Variants in SKP1 observed in about 807,000 individuals in gnomAD.
SKP1 encodes the protein S-phase kinase-associated protein 1.
A neutral mutation model predicts 21.5 loss-of-function variants in SKP1; 1 was observed. The observed-to-expected ratio is 0.05, with a 90% CI of 0.02 to 0.22. The LOEUF is 0.22. SKP1 is among the 10% of genes least tolerant of loss of function. The pLI, the probability that SKP1 is intolerant of heterozygous loss-of-function variation, is 1.00. For missense variants in SKP1, 70 were observed against 192.0 expected (o/e 0.36, Z 3.76); for synonymous variants, 59 against 59.3 (o/e 0.99, Z 0.03).
intron 2 of SKP1, chr5:134,173,713 T>A: frequency 1.5e-6 from 1 of 646,950 alleles, no homozygotes; most frequent in Non-Finnish European, 2.9e-6. Context: ...TATGATTTTA[T>A]CCATTTAATG....
At chr5:134,162,810 T>C (rs568153539) in intron 3 of SKP1, among the ~76,000 whole-genome samples, 2 of 152,284 alleles carry the variant, frequency 1.3e-5, no homozygotes, top group African/African-American at 4.8e-5. Context: ...GCACAGTGGT[T>C]CATACTTGTA....
At position 134,150,188 on chromosome 5, in the gene SKP1, C is replaced by T. The variant is rs1761023987; in HGVS notation, c.*7545G>A. ...AGCAAGCAGACAAAGCCTATGTCTC[C>T]CAACGTGAAGGTGTCTACTTTAACA... On this transcript the variant is annotated 3_prime_UTR_variant, in exon 6 of 6. Coordinates refer to ENST00000353411, the MANE Select transcript of SKP1 (RefSeq NM_170679.3). 1 of 152,190 alleles carries T rather than the reference C, an allele frequency of 6.6e-6. No individual in the cohort carries two copies. The highest frequency in any genetic ancestry group is 1.5e-5 in the Non-Finnish European group (1 of 68,052). 9.4% of individuals were successfully genotyped at this position (152,190 alleles called of 1,614,324 possible).
intron 1 of SKP1, chr5:134,174,548 A>G (rs1761502820): frequency 1.2e-6 from 1 of 801,522 alleles, no homozygotes; most frequent in African/African-American, 1.9e-5. Context: ...CAAGAGAATA[A>G]AATGATTTAA....
At chr5:134,168,007 A>G (rs1399600204) in intron 2 of SKP1, among the ~76,000 whole-genome samples, 2 of 152,216 alleles carry the variant, frequency 1.3e-5, no homozygotes, top group Non-Finnish European at 2.9e-5. Context: ...AAGAATATAA[A>G]AAGTACTTTA....
intron 2 of SKP1, 21 bp downstream of exon 2, chr5:134,173,905 C>T: frequency 7.6e-7 from 1 of 1,322,380 alleles, no homozygotes; most frequent in Non-Finnish European, 1.1e-6. Context: ...TCCTCCCACC[C>T]AGGTTTTCCA....
At chr5:134,174,270 C>T (rs1346716788) in intron 1 of SKP1, among the ~76,000 whole-genome samples, 2 of 152,184 alleles carry the variant, frequency 1.3e-5, no homozygotes, top group African/African-American at 2.4e-5. Context: ...ACTGAACTCA[C>T]TATTGGTATA....
intron 2 of SKP1, among the ~76,000 whole-genome samples, chr5:134,169,716 A>C (rs539452109): frequency 1.3e-5 from 2 of 151,482 alleles, no homozygotes; most frequent in South Asian, 4.2e-4. Context: ...AATACAAAAA[A>C]ATTGGCCAGG....
intron 2 of SKP1, 47 bp downstream of exon 2, chr5:134,173,879 T>C (rs563757802): frequency 9.8e-7 from 1 of 1,020,352 alleles, no homozygotes; most frequent in Admixed American, 1.7e-5. Flanking sequence ...TCACAAACTA[T>C]CTCAAATTAC....
intron 1 of SKP1, among the ~76,000 whole-genome samples, chr5:134,175,958 T>C (rs1290926623): frequency 6.6e-6 from 1 of 152,214 alleles, no homozygotes; most frequent in Admixed American, 6.5e-5. Flanking sequence ...GCGCTTTAAG[T>C]GACCCGAAAT....
In SKP1 at chr5:134,153,247, G is replaced by C. The variant is rs1761070655; in HGVS notation, c.*4486C>G. On this transcript the variant is annotated 3_prime_UTR_variant, in exon 6 of 6. Transcript: ENST00000353411. ...AGCACTTTGGGAGGTTGAGGCAGGA[G>C]GATCTTGAGCCCAGGAATTCGAAAA... 6.6e-6 allele frequency: 1 copy of C among 152,142 alleles called. No homozygotes were observed. The highest frequency in any genetic ancestry group is 2.1e-4 in the South Asian group (1 of 4,828). 9.4% of individuals were successfully genotyped at this position (152,142 alleles called of 1,614,324 possible). A position where few individuals can be genotyped will look rare whatever the true frequency, so the allele number is the denominator to read the frequency against.
chr5:134,162,271 T>C (rs1460899909), intron 3 of SKP1, among the ~76,000 whole-genome samples: 6 of 152,144 alleles, frequency 3.9e-5, no homozygotes, highest in African/African-American at 1.4e-4. Flanking sequence ...TGGCTCATTT[T>C]TGTATTTTGT....
intron 3 of SKP1, among the ~76,000 whole-genome samples, chr5:134,164,354 T>C (rs1349492661): frequency 2.1e-5 from 3 of 144,540 alleles, no homozygotes; most frequent in Non-Finnish European, 4.5e-5. Context: ...AAAAAAAAGA[T>C]TATCTTCTCA....
At chr5:134,162,848 G>A (rs1451844287) in intron 3 of SKP1, among the ~76,000 whole-genome samples, 1 of 152,090 alleles carries the variant, frequency 6.6e-6, no homozygotes, top group African/African-American at 2.4e-5. Context: ...GGCTGAGGCA[G>A]GACTGCTTAA....
chr5:134,163,611 G>A (rs1175372513), intron 3 of SKP1, among the ~76,000 whole-genome samples: 1 of 151,918 alleles, frequency 6.6e-6, no homozygotes, highest in Non-Finnish European at 1.5e-5. Flanking sequence ...GCAACATGGT[G>A]AAACTCCATC....
At chr5:134,161,321 A>C in intron 3 of SKP1, 191 bp from the exon 4 acceptor site, 2 of 487,604 alleles carry the variant, frequency 4.1e-6, no homozygotes, top group Non-Finnish European at 7.2e-6. Flanking sequence ...AGATCTTATT[A>C]GATAAAAGCA....
Position 134,156,661 on chromosome 5 carries a change from C to CAATG in SKP1, c.*1068_*1071dup, listed in dbSNP as rs1215041970. 3 of 152,170 alleles carry CAATG rather than the reference C, an allele frequency of 2.0e-5. No homozygotes were observed. Among genetic ancestry groups the CAATG allele is most frequent in the African/African-American group, 7.2e-5 (3 of 41,430 alleles). The allele number at this position is 152,170 out of a possible 1,614,324, so 9.4% of individuals were successfully genotyped here. A position where few individuals can be genotyped will look rare whatever the true frequency, so the allele number is the denominator to read the frequency against. The stretch of plus-strand genomic sequence containing the variant: ...TCTATTGTAGGAGGGAAGCTGGAAA[C>CAATG]AATGGCAGAGTAATTTTGTGTTAAG... On this transcript the variant is annotated 3_prime_UTR_variant, in exon 6 of 6. Coordinates refer to ENST00000353411, the MANE Select transcript of SKP1 (RefSeq NM_170679.3).
intron 2 of SKP1, among the ~76,000 whole-genome samples, chr5:134,172,369 C>G (rs1351597382): frequency 6.6e-6 from 1 of 152,174 alleles, no homozygotes; most frequent in Non-Finnish European, 1.5e-5. Context: ...CATTTAAGTA[C>G]TAAAGAACAC....
Position 134,150,514 on chromosome 5 carries a change from AT to A in SKP1, c.*7218del, listed in dbSNP as rs1336721988. On this transcript the variant is annotated 3_prime_UTR_variant, in exon 6 of 6. Transcript: ENST00000353411. Reference sequence around the variant, plus strand: ...ATGTTAAACTACCTCTTAGGCCTATATGTCAAAGTAGAATTTAAGACCCAAA... The same window carrying A: ...ATGTTAAACTACCTCTTAGGCCTATAGTCAAAGTAGAATTTAAGACCCAAA... 6.6e-6 allele frequency: 1 copy of A among 152,224 alleles called. No individual in the cohort carries two copies. The highest frequency in any genetic ancestry group is 2.4e-5 in the African/African-American group (1 of 41,464). 9.4% of individuals were successfully genotyped at this position (152,224 alleles called of 1,614,324 possible).
intron 2 of SKP1, among the ~76,000 whole-genome samples, chr5:134,172,942 G>A (rs902189022): frequency 6.7e-6 from 1 of 148,886 alleles, no homozygotes. Context: ...AACCCGGGGG[G>A]CAGAGGTTGC....
Sources: gnomAD v4.1 joint callset for allele counts (sites outside exome capture counted in the v4.1 genomes callset) on GRCh38, gnomAD v4.1.1 for gene constraint, MANE v1.5 for transcripts, NCBI Gene and HGNC (gene_info 2026-07-23, HGNC 2026-07-21) for gene names.